Variants in HMGCS2 observed in about 807,000 individuals in gnomAD.
HMGCS2 encodes hydroxymethylglutaryl-CoA synthase, mitochondrial.
Under a neutral mutation model 57.4 loss-of-function variants are expected in HMGCS2, and 50 were observed. The ratio of observed to expected loss-of-function variants is 0.87; its 90% confidence interval spans 0.69 to 1.10. The LOEUF (loss-of-function observed/expected upper bound fraction) is 1.10, where lower values mean the gene tolerates loss of function less well. Ranked by LOEUF, HMGCS2 falls within the 50% of genes least tolerant of loss-of-function variation. The pLI, the probability that HMGCS2 is intolerant of heterozygous loss-of-function variation, is 0.00. For missense variants in HMGCS2, 627 were observed against 636.5 expected (o/e 0.99, Z 0.16); for synonymous variants, 254 against 245.1 (o/e 1.04, Z -0.34).
intron 6 of HMGCS2, 69 bp downstream of exon 6, chr1:119,755,358 A>T: frequency 1.4e-6 from 2 of 1,471,284 alleles, no homozygotes; most frequent in Non-Finnish European, 1.9e-6. Context: ...AACTTTGTTG[A>T]CCCTGCAGCC....
chr1:119,753,319 T>G lies in HMGCS2; in HGVS notation c.1255A>C (p.Ser419Arg). The G allele has an allele frequency of 6.2e-7, 1 of 1,613,540 alleles. No individual in the cohort carries two copies. Among genetic ancestry groups the G allele is most frequent in the Non-Finnish European group, 8.5e-7 (1 of 1,179,848 alleles). Residue 419 changes from serine (S) to arginine (R), a missense_variant, in exon 7 of 10, where the codon AGT becomes CGT. Coordinates refer to ENST00000369406, the MANE Select transcript of HMGCS2 (RefSeq NM_005518.4). ...AFSYGSGLAA[S>R]FFSFRVSQDA... ...TGGGATACTCGAAATGAAAAGAAACTTGCTGCTAAACCAGAGCCATAAGAG... is the reference window on the plus strand; with the variant it reads ...TGGGATACTCGAAATGAAAAGAAACGTGCTGCTAAACCAGAGCCATAAGAG...
At chr1:119,765,132 G>A (rs763141264) in intron 1 of HMGCS2, among the ~76,000 whole-genome samples, 5 of 150,654 alleles carry the variant, frequency 3.3e-5, no homozygotes, top group Admixed American at 2.0e-4. Flanking sequence ...TCTGTCACCC[G>A]GAGTCTCACT....
chr1:119,755,091 A>G (rs1288133523), intron 6 of HMGCS2, among the ~76,000 whole-genome samples: 1 of 152,086 alleles, frequency 6.6e-6, no homozygotes, highest in African/African-American at 2.4e-5. Flanking sequence ...ATCATGGCTC[A>G]CTGCAACCTT....
intron 1 of HMGCS2, 52 bp from the exon 2 acceptor site, chr1:119,764,678 C>T: frequency 7.6e-7 from 1 of 1,319,332 alleles, no homozygotes; most frequent in Non-Finnish European, 1.1e-6. Context: ...AGACAATTTC[C>T]TCAAAAGACA....
At chr1:119,764,731 T>C in intron 1 of HMGCS2, 105 bp from the exon 2 acceptor site, 2 of 898,804 alleles carry the variant, frequency 2.2e-6, no homozygotes, top group Non-Finnish European at 3.6e-6. Context: ...ATTTTGAAGC[T>C]ATGTTATCAG....
chr1:119,754,522 C>T (rs901177987), intron 6 of HMGCS2, among the ~76,000 whole-genome samples: 1 of 152,132 alleles, frequency 6.6e-6, no homozygotes, highest in Admixed American at 6.5e-5. Flanking sequence ...AGATGCAGTA[C>T]TTCCTTATAA....
rs113587776 is a variant in HMGCS2, at chr1:119,757,124, C to T, written c.1016+149G>A. The T allele has an allele frequency of 7.6e-4, 980 of 1,283,850 alleles. 7 individuals carry two copies. In the African/African-American group the frequency reaches 0.013, roughly 17 times the overall value. The allele number at this position is 1,283,850 out of a possible 1,614,324, so 79.5% of individuals were successfully genotyped here. ...CTACCCAGACAATAACCCACTACCCCGTGGAAGGACCTGGGATTGTTCCTG... is the reference window on the plus strand; with the variant it reads ...CTACCCAGACAATAACCCACTACCCTGTGGAAGGACCTGGGATTGTTCCTG... On this transcript the variant is annotated intron_variant, in intron 5 of 9. Coordinates refer to ENST00000369406, the MANE Select transcript of HMGCS2 (RefSeq NM_005518.4).
At chr1:119,767,399 G>A (rs866791829) in intron 1 of HMGCS2, among the ~76,000 whole-genome samples, 1 of 152,170 alleles carries the variant, frequency 6.6e-6, no homozygotes, top group Non-Finnish European at 1.5e-5. Context: ...CAGTGGCCAC[G>A]GCAGGGGGTG....
intron 2 of HMGCS2, among the ~76,000 whole-genome samples, chr1:119,762,682 G>A (rs868337358): frequency 1.3e-5 from 2 of 152,186 alleles, no homozygotes; most frequent in Non-Finnish European, 2.9e-5. Flanking sequence ...TGCAGGGTAT[G>A]TAGTCCGAGT....
At chr1:119,750,420 G>A (rs962349056) in intron 9 of HMGCS2, among the ~76,000 whole-genome samples, 1 of 152,188 alleles carries the variant, frequency 6.6e-6, no homozygotes, top group African/African-American at 2.4e-5. Context: ...CAGCAGATCA[G>A]GTAAACAAAT....
chr1:119,765,751 T>C (rs1233397870), intron 1 of HMGCS2, among the ~76,000 whole-genome samples: 1 of 131,078 alleles, frequency 7.6e-6, no homozygotes, highest in Non-Finnish European at 1.8e-5. Flanking sequence ...TAATTACATG[T>C]CTTTCTCCTT....
At chr1:119,768,208 A>G (rs1344569854) in intron 1 of HMGCS2, among the ~76,000 whole-genome samples, 1 of 152,210 alleles carries the variant, frequency 6.6e-6, no homozygotes, top group Admixed American at 6.5e-5. Context: ...ATTTACAAAG[A>G]AAAGGAGTGT....
In HMGCS2 at chr1:119,755,605, G is replaced by A; in HGVS notation, c.1017-8C>T. On this transcript the variant is annotated splice_polypyrimidine_tract_variant and splice_region_variant and intron_variant, in intron 5 of 9. Transcript: ENST00000369406. ...TCTTCCAGCTTTAGCCCCCTGTGAG[G>A]TAGCCAGAGGTAGCCATGTGAGAGG... The A allele has an allele frequency of 6.2e-7, 1 of 1,613,976 alleles. No homozygotes were observed. The highest frequency in any genetic ancestry group is 8.5e-7 in the Non-Finnish European group (1 of 1,179,902).
At chr1:119,762,607 G>A (rs1653085952) in intron 2 of HMGCS2, among the ~76,000 whole-genome samples, 1 of 152,098 alleles carries the variant, frequency 6.6e-6, no homozygotes, top group Admixed American at 6.5e-5. Flanking sequence ...ATGAATGACT[G>A]GCTAGGTCAG....
chr1:119,768,867 C>T lies in HMGCS2; in HGVS notation c.-23G>A. ...CATCTCCAGAGGAGCAAGCAGAAAC[C>T]CAGCAGTTCAGAAACCCAGCAGAAA... is the stretch of plus-strand genomic sequence containing the variant. On this transcript the variant is annotated 5_prime_UTR_variant, in exon 1 of 10. Coordinates refer to ENST00000369406, the MANE Select transcript of HMGCS2 (RefSeq NM_005518.4). 6.4e-7 allele frequency: 1 copy of T among 1,572,464 alleles called. No individual in the cohort carries two copies. The highest frequency in any genetic ancestry group is 8.7e-7 in the Non-Finnish European group (1 of 1,142,872).
chr1:119,750,805 G>C lies in HMGCS2; in HGVS notation c.1524C>G (p.Val508=). ...QHRRKYARRP[V] ...TGCAAACTCTCACTCACCACCTTTA[G>C]ACGGGACGCCGGGCATACTTTCGGC... Residue 508 remains valine (V), a synonymous_variant, in exon 9 of 10, where the codon GTC becomes GTG. Coordinates refer to ENST00000369406, the MANE Select transcript of HMGCS2 (RefSeq NM_005518.4). 6.2e-7 allele frequency: 1 copy of C among 1,611,498 alleles called. No individual in the cohort carries two copies. Among genetic ancestry groups the C allele is most frequent in the Non-Finnish European group, 8.5e-7 (1 of 1,177,724 alleles).
At chr1:119,766,319 T>G (rs1653227350) in intron 1 of HMGCS2, among the ~76,000 whole-genome samples, 1 of 152,232 alleles carries the variant, frequency 6.6e-6, no homozygotes, top group Non-Finnish European at 1.5e-5. Flanking sequence ...TTAGAAATAC[T>G]CTGTCCCTTC....
chr1:119,760,339 G>A (rs905213254), intron 2 of HMGCS2, among the ~76,000 whole-genome samples: 3 of 152,162 alleles, frequency 2.0e-5, no homozygotes. Flanking sequence ...ATCATAGAAG[G>A]TAAAGGACAG....
At chr1:119,758,595 A>G (rs1234739438) in intron 4 of HMGCS2, among the ~76,000 whole-genome samples, 3 of 152,244 alleles carry the variant, frequency 2.0e-5, no homozygotes, top group Admixed American at 2.0e-4. Flanking sequence ...AAAGCAGTAC[A>G]TATTTCTCAG....
Sources: gnomAD v4.1 joint callset for allele counts (sites outside exome capture counted in the v4.1 genomes callset) on GRCh38, gnomAD v4.1.1 for gene constraint, MANE v1.5 for transcripts, NCBI Gene and HGNC (gene_info 2026-07-23, HGNC 2026-07-21) for gene names.